JAK1: variants seen among roughly 807,000 people sequenced by gnomAD.
JAK1 encodes the protein tyrosine-protein kinase JAK1.
In JAK1, 16 loss-of-function variants were observed where a neutral mutation model predicts 136.6. The observed-to-expected ratio is 0.12, with a 90% CI of 0.08 to 0.18. The LOEUF (loss-of-function observed/expected upper bound fraction) is 0.18. JAK1 is among the 10% of genes least tolerant of loss of function. The pLI, the probability that JAK1 is intolerant of heterozygous loss-of-function variation, is 1.00. For synonymous variants in JAK1, 492 were observed against 519.5 expected (o/e 0.95, Z 0.72); for missense variants, 859 against 1,450.1 (o/e 0.59, Z 6.62).
chr1:64,944,544 G>A (rs986102600), intron 1 of JAK1, among the ~76,000 whole-genome samples: 12 of 152,118 alleles, frequency 7.9e-5, no homozygotes, highest in Non-Finnish European at 1.3e-4. Context: ...TAGGGTTGTT[G>A]ACTAACAAGA....
At chr1:65,055,764 C>T (rs1238608423) in intron 1 of JAK1, among the ~76,000 whole-genome samples, 1 of 152,158 alleles carries the variant, frequency 6.6e-6, no homozygotes, top group Non-Finnish European at 1.5e-5. Flanking sequence ...GCTTCTGGAG[C>T]TCCTGCTGCA....
At chr1:65,027,039 A>G (rs1051108215) in intron 2 of JAK1, among the ~76,000 whole-genome samples, 3 of 151,668 alleles carry the variant, frequency 2.0e-5, no homozygotes, top group African/African-American at 4.8e-5. Flanking sequence ...GGTTATCTGG[A>G]AACTTTTGGG....
chr1:65,041,164 C>T (rs1647128751), intron 2 of JAK1, among the ~76,000 whole-genome samples: 2 of 152,122 alleles, frequency 1.3e-5, no homozygotes, highest in Admixed American at 1.3e-4. Context: ...GCCTGGCTGT[C>T]GCACGGGTCG....
chr1:64,857,826 G>C, intron 9 of JAK1, 47 bp from the exon 10 acceptor site: 1 of 1,609,132 alleles, frequency 6.2e-7, no homozygotes, highest in Non-Finnish European at 8.5e-7. Context: ...CACCAAACAG[G>C]ACTTTGAACC....
chr1:64,863,865 A>C lies in JAK1; in HGVS notation c.1176+922T>G, dbSNP rs1450584960. On this transcript the variant is annotated intron_variant, in intron 8 of 24. Coordinates refer to ENST00000342505, the MANE Select transcript of JAK1 (RefSeq NM_002227.4). ...TGACACTTTAATTACTACTGGAATG[A>C]ATATTCTTATTCATAAACCATAACC... 3.3e-5 allele frequency among the ~76,000 whole-genome samples: 5 copies of C among 152,202 alleles called. No individual in the cohort carries two copies. The East Asian group carries it at 9.6e-4, about 29-fold the overall frequency.
intron 2 of JAK1, among the ~76,000 whole-genome samples, chr1:65,026,959 A>G (rs1383873064): frequency 1.3e-5 from 2 of 152,066 alleles, no homozygotes; most frequent in African/African-American, 2.4e-5. Context: ...CAAAAAAATA[A>G]AAACCATTTT....
intron 1 of JAK1, among the ~76,000 whole-genome samples, chr1:64,901,743 A>G (rs1044060570): frequency 6.6e-6 from 1 of 152,164 alleles, no homozygotes; most frequent in Non-Finnish European, 1.5e-5. Context: ...CATCATCACT[A>G]TCTACTTCCA....
intron 22 of JAK1, among the ~76,000 whole-genome samples, chr1:64,836,588 C>T (rs963009832): frequency 3.9e-5 from 6 of 152,234 alleles, no homozygotes; most frequent in Non-Finnish European, 5.9e-5. Context: ...AATGTGGCAT[C>T]GCTGTCCAAT....
At chr1:64,989,349 A>T (rs1016851328) in intron 2 of JAK1, 6 of 150,830 alleles carry the variant, frequency 4.0e-5, no homozygotes, top group Admixed American at 2.6e-4. Flanking sequence ...ATAAATAAAT[A>T]AATAAATAAA....
At chr1:65,055,317 T>A (rs1005270140) in intron 1 of JAK1, among the ~76,000 whole-genome samples, 1 of 152,250 alleles carries the variant, frequency 6.6e-6, no homozygotes, top group Non-Finnish European at 1.5e-5. Context: ...ATCCATGTTG[T>A]AGCATATGTC....
Position 64,844,055 on chromosome 1 carries a change from C to T in JAK1, c.2403+9G>A, listed in dbSNP as rs750337248. 1 of 1,613,662 alleles carries T rather than the reference C, an allele frequency of 6.2e-7. No individual in the cohort carries two copies. The highest frequency in any genetic ancestry group is 1.7e-5 in the Admixed American group (1 of 60,010). On this transcript the variant is annotated intron_variant, in intron 17 of 24. Transcript: ENST00000342505. This position sits in a 1 kb window ranked among gnomAD's most constrained non-coding sequence, Gnocchi z 5.7. ...CACTTGCCTCACGCCCCGGGAAACA[C>T]CTGCTCACCTCAATCAGCGTCTTGT...
At chr1:65,040,213 CT>C (rs1647117158) in intron 2 of JAK1, among the ~76,000 whole-genome samples, 1 of 147,332 alleles carries the variant, frequency 6.8e-6, no homozygotes. Flanking sequence ...AAGACCCTGT[CT>C]CCAAAAAAAA....
upstream of JAK1, chr1:64,966,564 CGCCCCGCCCCGCCCCGCGGCCG>C (rs1557733520): frequency 2.0e-5 from 3 of 146,916 alleles, no homozygotes; most frequent in Non-Finnish European, 3.0e-5. Flanking sequence ...CCTCCCGTCC[CGCCCCGCCCCGCCCCGCGGCCG>C]GCCCCACCCC....
At chr1:64,867,308 G>T in intron 6 of JAK1, 100 bp from the exon 7 acceptor site, 1 of 813,846 alleles carries the variant, frequency 1.2e-6, no homozygotes, top group Non-Finnish European at 1.9e-6. Context: ...GTTGCCAAAT[G>T]GGAAAGGGAG....
At position 64,963,689 on chromosome 1, in the gene JAK1, G is replaced by A. The variant is rs189296483; in HGVS notation, c.-78+2644C>T. 4.8e-4 allele frequency among the ~76,000 whole-genome samples: 73 copies of A among 152,266 alleles called. No homozygotes were observed. The East Asian group carries it at 0.014, about 29-fold the overall frequency. On this transcript the variant is annotated intron_variant, in intron 1 of 24. Transcript: ENST00000342505. Reference sequence around the variant, plus strand: ...ACTTCCCCCCAAAACTCTGCGAGATGACCAGGGAGAATATTTTTATCTCCA... The same window carrying A: ...ACTTCCCCCCAAAACTCTGCGAGATAACCAGGGAGAATATTTTTATCTCCA...
chr1:65,050,634 G>A (rs1647258286), intron 1 of JAK1, among the ~76,000 whole-genome samples: 2 of 152,190 alleles, frequency 1.3e-5, no homozygotes, highest in African/African-American at 4.8e-5. Flanking sequence ...GTGATGGCAT[G>A]ATCAAACTTT....
In JAK1 at chr1:64,984,674, T is replaced by C; in HGVS notation, c.-78+59806A>G. 1 of 585,866 alleles carries C rather than the reference T, an allele frequency of 1.7e-6. No homozygotes were observed. The allele number at this position is 585,866 out of a possible 1,614,324, so 36.3% of individuals were successfully genotyped here. A position where few individuals can be genotyped will look rare whatever the true frequency, so the allele number is the denominator to read the frequency against. Reference sequence around the variant, plus strand: ...ATCTCCATGACACAGTCCTTCCAGATCTATTTGCATCGTGTGCCTGCCCCT... The same window carrying C: ...ATCTCCATGACACAGTCCTTCCAGACCTATTTGCATCGTGTGCCTGCCCCT... On this transcript the variant is annotated intron_variant, in intron 2 of 25. Transcript: ENST00000671954. This position sits in a 1 kb window ranked among gnomAD's most constrained non-coding sequence, Gnocchi z 4.1.
In JAK1 at chr1:64,844,018, C is replaced by A; in HGVS notation, c.2403+46G>T. On this transcript the variant is annotated intron_variant, in intron 17 of 24. Transcript: ENST00000342505. The surrounding 1 kb of genome is among the most constrained non-coding windows in gnomAD (Gnocchi z 5.7). ...ACAACTCCTGGGAAGCCCACGAGCA[C>A]CTGAAAGCCCTCACTTGCCTCACGC... 6.2e-7 allele frequency: 1 copy of A among 1,609,346 alleles called. No homozygotes were observed. The highest frequency in any genetic ancestry group is 8.5e-7 in the Non-Finnish European group (1 of 1,177,616).
intron 1 of JAK1, among the ~76,000 whole-genome samples, chr1:64,932,571 G>T (rs954959483): frequency 6.6e-6 from 1 of 152,156 alleles, no homozygotes; most frequent in Non-Finnish European, 1.5e-5. Context: ...ACTAGTGTCA[G>T]CATGGTGCTA....
Sources: gnomAD v4.1 joint callset for allele counts (sites outside exome capture counted in the v4.1 genomes callset) on GRCh38, gnomAD v4.1.1 for gene constraint, Gnocchi (gnomAD v3.1) non-coding constraint, MANE v1.5 for transcripts, NCBI Gene and HGNC (gene_info 2026-07-23, HGNC 2026-07-21) for gene names.